Variants in CPXM2 observed in about 807,000 individuals in gnomAD.
The protein encoded by CPXM2 is inactive carboxypeptidase-like protein X2.
A neutral mutation model predicts 86.1 loss-of-function variants in CPXM2; 66 were observed. The ratio of observed to expected loss-of-function variants is 0.77; its 90% CI spans 0.63 to 0.94. The LOEUF (loss-of-function observed/expected upper bound fraction) is 0.94, where lower values mean the gene tolerates loss of function less well. Among genes scored for constraint, CPXM2 ranks in the 40% least tolerant of loss-of-function variants. The pLI is 0.00. For missense variants in CPXM2, 948 were observed against 1,026.3 expected (o/e 0.92, Z 1.04); for synonymous variants, 388 against 400.2 (o/e 0.97, Z 0.36).
intron 4 of CPXM2, among the ~76,000 whole-genome samples, chr10:123,810,349 C>T (rs571920059): frequency 1.1e-3 from 170 of 151,802 alleles, no homozygotes; most frequent in African/African-American, 3.8e-3. Context: ...AAAAAGGCAA[C>T]AAAAATAGCA....
chr10:123,915,142 C>T (rs1195850798), intron 2 of CPXM2, among the ~76,000 whole-genome samples: 1 of 152,246 alleles, frequency 6.6e-6, no homozygotes, highest in Non-Finnish European at 1.5e-5. Flanking sequence ...CTTGCACTCA[C>T]TGTTCCTCTG....
chr10:123,942,716 A>G (rs7900621), upstream of CPXM2, among the ~76,000 whole-genome samples: 80,326 of 152,030 alleles, frequency 0.53, 21,656 homozygotes, highest in Middle Eastern at 0.56. Context: ...AGCCCTCAGG[A>G]GGGCTCTCAC....
At chr10:123,797,885 G>A in intron 6 of CPXM2, 91 bp downstream of exon 6, 8 of 1,293,538 alleles carry the variant, frequency 6.2e-6, no homozygotes, top group Non-Finnish European at 8.1e-6. Flanking sequence ...ACTGTGCCTG[G>A]TCTGCTTAGT....
intron 2 of CPXM2, among the ~76,000 whole-genome samples, chr10:123,864,305 G>A (rs569955476): frequency 4.6e-5 from 7 of 152,012 alleles, no homozygotes; most frequent in Non-Finnish European, 7.4e-5. Flanking sequence ...CTAGGCAGCA[G>A]GTTCTGTCAG....
intron 2 of CPXM2, among the ~76,000 whole-genome samples, chr10:123,899,976 A>C (rs1412797829): frequency 1.3e-5 from 2 of 152,210 alleles, no homozygotes; most frequent in Non-Finnish European, 2.9e-5. Flanking sequence ...AATGTTCTAC[A>C]AAGGACACAC....
At chr10:123,846,153 T>G (rs1848490101) in intron 3 of CPXM2, among the ~76,000 whole-genome samples, 1 of 152,206 alleles carries the variant, frequency 6.6e-6, no homozygotes, top group Admixed American at 6.5e-5. Context: ...TGGGATAATT[T>G]AAGCATATTA....
chr10:123,851,794 G>A (rs1441644343), intron 3 of CPXM2, among the ~76,000 whole-genome samples: 2 of 151,560 alleles, frequency 1.3e-5, no homozygotes, highest in South Asian at 2.1e-4. Context: ...AAGGGGGCTG[G>A]GACAGATGCA....
chr10:123,787,199 A>G (rs184261913), intron 6 of CPXM2, among the ~76,000 whole-genome samples: 250 of 152,242 alleles, frequency 1.6e-3, no homozygotes, highest in African/African-American at 5.7e-3. Context: ...GGACAAGATG[A>G]CAGTGCAGAC....
At position 123,885,991 on chromosome 10, in the gene CPXM2, C is replaced by A. The variant is rs1336910818; in HGVS notation, c.304+5365G>T. 2.0e-5 allele frequency among the ~76,000 whole-genome samples: 3 copies of A among 152,180 alleles called. No individual in the cohort carries two copies. The highest frequency in any genetic ancestry group is 4.4e-5 in the Non-Finnish European group (3 of 68,044). ...CATGCGCGAGCCCTGGTTTCTGGAA[C>A]CTTGGGCACAGGCAAGAGGAAATTT... On this transcript the variant is annotated intron_variant, in intron 1 of 13. Coordinates refer to ENST00000241305, the MANE Select transcript of CPXM2 (RefSeq NM_198148.3). This position sits in a 1 kb window ranked among gnomAD's most constrained non-coding sequence, Gnocchi z 4.0.
intron 4 of CPXM2, among the ~76,000 whole-genome samples, chr10:123,816,967 C>T (rs1847825778): frequency 6.6e-6 from 1 of 151,060 alleles, no homozygotes; most frequent in Non-Finnish European, 1.5e-5. Context: ...ATAAATTCGA[C>T]TAAAATTCAG....
chr10:123,925,458 T>C (rs1214329493), intron 2 of CPXM2, among the ~76,000 whole-genome samples: 1 of 152,222 alleles, frequency 6.6e-6, no homozygotes, highest in Non-Finnish European at 1.5e-5. Context: ...CTAATTAGTG[T>C]ACCGGGAGAG....
At chr10:123,883,719 T>C (rs1351629954) in intron 1 of CPXM2, among the ~76,000 whole-genome samples, 1 of 152,196 alleles carries the variant, frequency 6.6e-6, no homozygotes. Context: ...AGAAGAGAGC[T>C]GCCCAAGGTC....
chr10:123,779,277 T>C (rs1846879625), intron 7 of CPXM2, among the ~76,000 whole-genome samples: 2 of 152,220 alleles, frequency 1.3e-5, no homozygotes, highest in Admixed American at 6.5e-5. Flanking sequence ...AGAACAGGAT[T>C]TCATAGGCAC....
chr10:123,863,311 G>A (rs1187967882), intron 2 of CPXM2, among the ~76,000 whole-genome samples: 6 of 152,130 alleles, frequency 3.9e-5, no homozygotes, highest in Admixed American at 6.5e-5. Context: ...TTGCCCCCAC[G>A]CCCACCACAG....
At chr10:123,858,614 T>C (rs1197201055) in intron 3 of CPXM2, among the ~76,000 whole-genome samples, 1 of 152,196 alleles carries the variant, frequency 6.6e-6, no homozygotes, top group Non-Finnish European at 1.5e-5. Flanking sequence ...TGTTTTTCTA[T>C]AAGGCAGAGG....
intron 6 of CPXM2, among the ~76,000 whole-genome samples, chr10:123,790,295 TG>T (rs1254653284): frequency 1.6e-5 from 2 of 126,664 alleles, no homozygotes; most frequent in South Asian, 2.6e-4. Context: ...TGACCAGGGG[TG>T]ACTCAGGATG....
chr10:123,792,517 C>T (rs114903343), intron 6 of CPXM2, among the ~76,000 whole-genome samples: 1 of 152,108 alleles, frequency 6.6e-6, no homozygotes, highest in African/African-American at 2.4e-5. Flanking sequence ...AACCCAGAAG[C>T]CCCAGAGACA....
chr10:123,838,033 C>T (rs572966925), intron 4 of CPXM2, among the ~76,000 whole-genome samples: 1 of 152,340 alleles, frequency 6.6e-6, no homozygotes, highest in Admixed American at 6.5e-5. Flanking sequence ...AAGCTCCCTG[C>T]AGGCAGGGCC....
intron 4 of CPXM2, among the ~76,000 whole-genome samples, chr10:123,802,731 A>G (rs1179176752): frequency 6.6e-5 from 10 of 152,188 alleles, no homozygotes; most frequent in Non-Finnish European, 1.3e-4. Flanking sequence ...GTTCAGCCGC[A>G]TTATTTTCCA....
Sources: gnomAD v4.1 joint callset for allele counts (sites outside exome capture counted in the v4.1 genomes callset) on GRCh38, gnomAD v4.1.1 for gene constraint, Gnocchi (gnomAD v3.1) non-coding constraint, MANE v1.5 for transcripts, NCBI Gene and HGNC (gene_info 2026-07-23, HGNC 2026-07-21) for gene names.